Variants in ZDHHC15 observed in about 807,000 individuals in gnomAD.
The protein encoded by ZDHHC15 is palmitoyltransferase ZDHHC15.
In ZDHHC15, 19 loss-of-function variants were observed where a neutral mutation model predicts 31.7. The ratio of observed to expected loss-of-function variants is 0.60; its 90% confidence interval spans 0.42 to 0.88. The LOEUF is 0.88. ZDHHC15 is among the 40% of genes least tolerant of loss of function. ZDHHC15 has a pLI of 0.00. For missense variants in ZDHHC15, 209 were observed against 251.2 expected (o/e 0.83, Z 1.14); for synonymous variants, 103 against 90.0 (o/e 1.14, Z -0.82).
At chrX:75,482,071 T>C (rs758972430) in intron 2 of ZDHHC15, among the ~76,000 whole-genome samples, 1 of 111,285 alleles carries the variant, frequency 9.0e-6, no homozygotes, top group Non-Finnish European at 1.9e-5. Flanking sequence ...TCATTCTTCA[T>C]GACAGTACAA....
At chrX:75,433,826 TATA>T (rs1235360614) in intron 4 of ZDHHC15, among the ~76,000 whole-genome samples, 2 of 110,792 alleles carry the variant, frequency 1.8e-5, no homozygotes, top group Admixed American at 9.7e-5. Context: ...GTCTTTTTCA[TATA>T]ATGACTTCTT....
intron 10 of ZDHHC15, among the ~76,000 whole-genome samples, chrX:75,387,857 A>AAAGG (rs2083196847): frequency 8.9e-6 from 1 of 112,304 alleles, no homozygotes; most frequent in Admixed American, 9.4e-5. Flanking sequence ...AAGGCACATA[A>AAAGG]TAGTCAAACT....
intron 10 of ZDHHC15, among the ~76,000 whole-genome samples, chrX:75,405,991 C>G (rs1387291013): frequency 8.9e-6 from 1 of 111,835 alleles, no homozygotes; most frequent in Non-Finnish European, 1.9e-5. Context: ...ATTTTCTGTC[C>G]TGATTTTTAA....
At chrX:75,429,894 T>C (rs1011050212) in intron 6 of ZDHHC15, 54 bp downstream of exon 6, 54 of 1,145,665 alleles carry the variant, frequency 4.7e-5, no homozygotes, top group Non-Finnish European at 5.7e-5. Context: ...AAAGTGCATA[T>C]AATTGAGCAA....
At chrX:75,394,662 C>T (rs1346192167) in intron 10 of ZDHHC15, among the ~76,000 whole-genome samples, 1 of 111,679 alleles carries the variant, frequency 9.0e-6, no homozygotes, top group Admixed American at 9.5e-5. Context: ...GTCTATTCAG[C>T]AGGAGAATAT....
At chrX:75,417,296 C>T in intron 9 of ZDHHC15, 106 bp from the exon 10 acceptor site, 2 of 502,158 alleles carry the variant, frequency 4.0e-6, no homozygotes, top group Non-Finnish European at 6.6e-6. Context: ...TATTTAGTCT[C>T]ATTGTCTAAA....
intron 10 of ZDHHC15, among the ~76,000 whole-genome samples, chrX:75,394,296 C>CA (rs1268397743): frequency 9.1e-6 from 1 of 109,449 alleles, no homozygotes; most frequent in African/African-American, 3.3e-5. Context: ...AAAACAAAAA[C>CA]AAAACAAAAC....
At chrX:75,468,157 T>C (rs2084441226) in intron 3 of ZDHHC15, among the ~76,000 whole-genome samples, 1 of 109,235 alleles carries the variant, frequency 9.2e-6, no homozygotes. Context: ...GCGACTCTCC[T>C]GCCTCCGCCT....
At chrX:75,403,106 T>C (rs956006342) in intron 10 of ZDHHC15, among the ~76,000 whole-genome samples, 1 of 112,426 alleles carries the variant, frequency 8.9e-6, no homozygotes, top group African/African-American at 3.2e-5. Flanking sequence ...ATAAATGTGA[T>C]TAATCACATA....
chrX:75,389,663 C>T (rs2083219768), intron 10 of ZDHHC15, among the ~76,000 whole-genome samples: 1 of 110,925 alleles, frequency 9.0e-6, no homozygotes, highest in Non-Finnish European at 1.9e-5. Context: ...GATTTATCAC[C>T]TGCTAACTAA....
intron 10 of ZDHHC15, among the ~76,000 whole-genome samples, chrX:75,382,142 T>G (rs1343300851): frequency 8.9e-6 from 1 of 112,342 alleles, no homozygotes; most frequent in Non-Finnish European, 1.9e-5. Context: ...TTAGATTGTC[T>G]TTCCCTGCAA....
rs972417485 is a variant in ZDHHC15 at position 75,369,126 on chromosome X, A to G, written c.*3852T>C. ...CATTAGATGCCCCCTGTGCTTCTCC[A>G]TAGAACGTCTTCTGTACCGAATCTC... On this transcript the variant is annotated 3_prime_UTR_variant, in exon 12 of 12. Transcript: ENST00000373367. 2.7e-5 allele frequency: 3 copies of G among 112,181 alleles called. No individual in the cohort carries two copies. The highest frequency in any genetic ancestry group is 9.7e-5 in the African/African-American group (3 of 30,879). 9.2% of individuals were successfully genotyped at this position (112,181 alleles called of 1,213,427 possible).
intron 4 of ZDHHC15, among the ~76,000 whole-genome samples, chrX:75,446,137 C>G (rs755410971): frequency 2.7e-5 from 3 of 111,973 alleles, no homozygotes; most frequent in Non-Finnish European, 5.6e-5. Flanking sequence ...TAGGTGGAAA[C>G]AAATACTAAT....
intron 1 of ZDHHC15, among the ~76,000 whole-genome samples, chrX:75,513,130 A>T (rs960957895): frequency 9.1e-6 from 1 of 110,111 alleles, no homozygotes; most frequent in African/African-American, 3.3e-5. Context: ...CCTTATACAA[A>T]ATCAATTCAA....
chrX:75,513,799 ACAAT>A (rs750952030), intron 1 of ZDHHC15, among the ~76,000 whole-genome samples: 2 of 111,334 alleles, frequency 1.8e-5, no homozygotes, highest in Non-Finnish European at 3.8e-5. Flanking sequence ...AAAGATATCC[ACAAT>A]CAGACACATT....
intron 1 of ZDHHC15, among the ~76,000 whole-genome samples, chrX:75,513,365 A>G (rs2085305344): frequency 8.9e-6 from 1 of 112,027 alleles, no homozygotes; most frequent in Admixed American, 9.5e-5. Context: ...TCCCTCCTCA[A>G]AAGCAACTAA....
intron 2 of ZDHHC15, among the ~76,000 whole-genome samples, chrX:75,498,335 G>A (rs1014481340): frequency 9.9e-5 from 11 of 111,263 alleles, no homozygotes; most frequent in African/African-American, 3.6e-4. Flanking sequence ...ATCCAAATCT[G>A]TAGAGAAATT....
intron 1 of ZDHHC15, among the ~76,000 whole-genome samples, chrX:75,518,070 C>A (rs2085388494): frequency 9.0e-6 from 1 of 111,317 alleles, no homozygotes; most frequent in Non-Finnish European, 1.9e-5. Context: ...AATCTTTATG[C>A]TCTTGCATTT....
intron 10 of ZDHHC15, among the ~76,000 whole-genome samples, chrX:75,387,829 C>A (rs916868861): frequency 1.8e-5 from 2 of 112,054 alleles, no homozygotes; most frequent in Non-Finnish European, 3.8e-5. Context: ...AAAGATTCAA[C>A]CAAAATCGTC....
Sources: allele counts gnomAD v4.1 joint callset (sites outside exome capture counted in the v4.1 genomes callset), GRCh38; gene constraint gnomAD v4.1.1; transcripts MANE v1.5; gene names NCBI Gene and HGNC (gene_info 2026-07-23, HGNC 2026-07-21).